Variants in ADGRL2 observed in about 807,000 individuals in gnomAD.
ADGRL2 encodes adhesion G protein-coupled receptor L2.
ADGRL2 carries 44 observed loss-of-function variants against 157.4 expected under a neutral mutation model. That is an observed-to-expected ratio of 0.28 (90% confidence interval 0.22 to 0.36). The LOEUF (loss-of-function observed/expected upper bound fraction) is 0.36. ADGRL2 is among the 10% of genes least tolerant of loss of function. The pLI, the probability that ADGRL2 is intolerant of heterozygous loss-of-function variation, is 1.00. For missense variants in ADGRL2, 1,510 were observed against 1,768.9 expected, an observed-to-expected ratio of 0.85 and a Z score of 2.63; for synonymous variants, 585 against 624.7, an observed-to-expected ratio of 0.94 and a Z score of 0.95.
intron 1 of ADGRL2, chr1:81,426,605 T>C (rs1251123486): frequency 2.1e-6 from 1 of 477,106 alleles, no homozygotes. Flanking sequence ...CAGATGATAG[T>C]TTAAGAGAAC....
At chr1:81,948,867 A>G (rs1650823600) in intron 6 of ADGRL2, among the ~76,000 whole-genome samples, 1 of 152,190 alleles carries the variant, frequency 6.6e-6, no homozygotes, top group African/African-American at 2.4e-5. Context: ...TAGTGTACTT[A>G]CTGGTAACAA....
Position 81,984,642 on chromosome 1 carries a change from T to G in ADGRL2, c.3342T>G (p.Thr1114=). 6.2e-7 allele frequency: 1 copy of G among 1,612,832 alleles called. No individual in the cohort carries two copies. Among genetic ancestry groups the G allele is most frequent in the South Asian group, 1.1e-5 (1 of 91,042 alleles). The change falls in exon 20 of 24, where the codon ACT becomes ACG. Residue 1114 remains threonine (T), a synonymous_variant. Coordinates refer to ENST00000686636, the MANE Select transcript of ADGRL2 (RefSeq NM_001366006.2). ...CATACTGCTGTGGAGGCCTCCCAAC[T>G]GAGAGTCCCCACAGTTCAGTGAAGG... ...RHSYCCGGLP[T]ESPHSSVKAS...
At chr1:81,793,904 T>G (rs957068782) in intron 2 of ADGRL2, among the ~76,000 whole-genome samples, 20 of 152,170 alleles carry the variant, frequency 1.3e-4, no homozygotes, top group African/African-American at 4.8e-4. Flanking sequence ...AAATTTATTT[T>G]TAAATGATAA....
Position 81,409,185 on chromosome 1 carries a change from T to G in ADGRL2, c.-301-35851T>G, listed in dbSNP as rs552264902. ...TTCTTTTTCTTTCCTTCTCAGTATC[T>G]GTGTAGTGATAATTTTCCTGCTCAC... On this transcript the variant is annotated intron_variant, in intron 1 of 24. Transcript: ENST00000370721. Among the ~76,000 whole-genome samples, 4 of 152,326 alleles carry G rather than the reference T, an allele frequency of 2.6e-5. No homozygotes were observed. The East Asian group carries it at 7.7e-4, about 29-fold the overall frequency.
intron 1 of ADGRL2, among the ~76,000 whole-genome samples, chr1:81,825,994 G>A (rs1408885808): frequency 6.6e-6 from 1 of 152,046 alleles, no homozygotes; most frequent in Non-Finnish European, 1.5e-5. Context: ...GGTATTTCAG[G>A]GTAAGAATCA....
At position 81,557,482 on chromosome 1, in the gene ADGRL2, G is replaced by GAAAGAAAGAAAGAAGA. The variant is rs370696204; in HGVS notation, c.-247-23392_-247-23391insAGAAAGAAAGAAGAAA. ...AAGAAAGAAAGAAGAAAGAAAGAAA[G>GAAAGAAAGAAAGAAGA]AAGAAAGAAAGAAAGAAAGAAAGAA... On this transcript the variant is annotated intron_variant, in intron 2 of 24. Transcript: ENST00000370721. The GAAAGAAAGAAAGAAGA allele has an allele frequency of 9.7e-4, 116 of 120,052 alleles. 1 individual carries two copies. Among genetic ancestry groups the GAAAGAAAGAAAGAAGA allele is most frequent in the Admixed American group, 2.0e-3 (21 of 10,704 alleles). 7.4% of individuals were successfully genotyped at this position (120,052 alleles called of 1,614,324 possible). A position where few individuals can be genotyped will look rare whatever the true frequency, so the allele number is the denominator to read the frequency against.
At chr1:81,666,897 G>C (rs2082762000) in intron 3 of ADGRL2, among the ~76,000 whole-genome samples, 1 of 152,136 alleles carries the variant, frequency 6.6e-6, no homozygotes, top group Admixed American at 6.6e-5. Flanking sequence ...TCTAAGTATG[G>C]CAGAAAGTAA....
chr1:81,513,408 A>G (rs927630741), intron 2 of ADGRL2, among the ~76,000 whole-genome samples: 3 of 152,214 alleles, frequency 2.0e-5, no homozygotes, highest in Non-Finnish European at 2.9e-5. Flanking sequence ...TGAAATGTAG[A>G]TACTAAGATA....
intron 2 of ADGRL2, among the ~76,000 whole-genome samples, chr1:81,874,690 G>T (rs556031952): frequency 2.1e-5 from 3 of 146,106 alleles, no homozygotes. Flanking sequence ...TTGCCTCTTC[G>T]CTTCTCTTCT....
At chr1:81,609,926 C>A (rs1451177464) in intron 3 of ADGRL2, among the ~76,000 whole-genome samples, 1 of 152,144 alleles carries the variant, frequency 6.6e-6, no homozygotes, top group Admixed American at 6.6e-5. Context: ...CTAATTTCAC[C>A]AATAAAAATC....
chr1:81,640,398 G>A (rs1451614891), intron 3 of ADGRL2, among the ~76,000 whole-genome samples: 2 of 151,968 alleles, frequency 1.3e-5, no homozygotes, highest in Non-Finnish European at 2.9e-5. Flanking sequence ...ACTTTGAGAG[G>A]CCGAGGAAGG....
intron 11 of ADGRL2, among the ~76,000 whole-genome samples, chr1:81,963,292 A>G (rs1656035787): frequency 6.6e-6 from 1 of 152,020 alleles, no homozygotes; most frequent in Non-Finnish European, 1.5e-5. Flanking sequence ...TATTTCTGAT[A>G]GTTTATCGTT....
At chr1:81,426,860 A>T in intron 1 of ADGRL2, 1 of 600,816 alleles carries the variant, frequency 1.7e-6, no homozygotes, top group Non-Finnish European at 3.1e-6. Context: ...ATTAAAGAAG[A>T]TACAGAAGAA....
chr1:81,797,554 T>C (rs183880317), upstream of ADGRL2, among the ~76,000 whole-genome samples: 1 of 152,288 alleles, frequency 6.6e-6, no homozygotes, highest in African/African-American at 2.4e-5. Flanking sequence ...CTGTGTTCTA[T>C]TGGCTTACAC....
At chr1:81,599,630 T>A (rs926697541) in intron 3 of ADGRL2, among the ~76,000 whole-genome samples, 9 of 152,176 alleles carry the variant, frequency 5.9e-5, no homozygotes, top group African/African-American at 2.2e-4. Flanking sequence ...TTAGTTAAAA[T>A]CAACATAATA....
chr1:81,673,417 G>T (rs1296354072), intron 3 of ADGRL2, among the ~76,000 whole-genome samples: 1 of 151,446 alleles, frequency 6.6e-6, no homozygotes, highest in Non-Finnish European at 1.5e-5. Flanking sequence ...TAGAATTTGT[G>T]CATATTTGCT....
intron 1 of ADGRL2, among the ~76,000 whole-genome samples, chr1:81,323,393 T>C (rs912045453): frequency 3.3e-5 from 5 of 149,646 alleles, no homozygotes; most frequent in Non-Finnish European, 7.4e-5. Flanking sequence ...GTACGAGCCA[T>C]TGTACTAGAC....
chr1:81,822,405 T>G (rs898993220), intron 1 of ADGRL2, among the ~76,000 whole-genome samples: 3 of 151,540 alleles, frequency 2.0e-5, no homozygotes, highest in African/African-American at 7.2e-5. Context: ...TATAATTTAA[T>G]TTTTATATTT....
At chr1:81,381,771 A>G (rs2076349412) in intron 1 of ADGRL2, among the ~76,000 whole-genome samples, 1 of 152,154 alleles carries the variant, frequency 6.6e-6, no homozygotes, top group African/African-American at 2.4e-5. Flanking sequence ...ATTAAACCTT[A>G]TGTGGTTGTG....
Sources: gnomAD v4.1 joint callset for allele counts (sites outside exome capture counted in the v4.1 genomes callset) on GRCh38, gnomAD v4.1.1 for gene constraint, MANE v1.5 for transcripts, NCBI Gene and HGNC (gene_info 2026-07-23, HGNC 2026-07-21) for gene names.